Variants in GABRG2 observed in about 807,000 individuals in gnomAD.
GABRG2 encodes the protein gamma-aminobutyric acid type A receptor subunit gamma2.
In GABRG2, 16 loss-of-function variants were observed where a neutral mutation model predicts 56.4. The ratio of observed to expected loss-of-function variants is 0.28; its 90% CI spans 0.19 to 0.43. The LOEUF (loss-of-function observed/expected upper bound fraction) is 0.43. GABRG2 is among the 20% of genes least tolerant of loss of function. The probability of loss-of-function intolerance (pLI) is 1.00; values close to 1 mark genes in which losing one functional copy is unlikely to be tolerated. For missense variants in GABRG2, 327 were observed against 582.7 expected (o/e 0.56, Z 4.52); for synonymous variants, 208 against 205.5 (o/e 1.01, Z -0.10).
chr5:162,094,308 C>T (rs1760838904), intron 2 of GABRG2: 1 of 336,530 alleles, frequency 3.0e-6, no homozygotes, highest in Non-Finnish European at 5.6e-6. Flanking sequence ...AAGACAATAA[C>T]AGTAAAGAGA....
At chr5:162,100,422 C>T (rs559858077) in intron 4 of GABRG2, 5 of 152,086 alleles carry the variant, frequency 3.3e-5, no homozygotes, top group Admixed American at 2.6e-4. Context: ...AATCATCAAC[C>T]CATTACCATT....
chr5:162,109,420 A>ATATATATATATATATATATT (rs1424412323), intron 6 of GABRG2, among the ~76,000 whole-genome samples: 2 of 116,130 alleles, frequency 1.7e-5, no homozygotes, highest in African/African-American at 6.5e-5. Context: ...ATATATATAT[A>ATATATATATATATATATATT]TATTTATTTA....
intron 6 of GABRG2, among the ~76,000 whole-genome samples, chr5:162,106,811 A>C (rs1055774368): frequency 6.6e-6 from 1 of 151,254 alleles, no homozygotes; most frequent in Non-Finnish European, 1.5e-5. Flanking sequence ...AAATTGATTC[A>C]TGTGGGTTTT....
chr5:162,131,552 T>C (rs1763759644), intron 6 of GABRG2, among the ~76,000 whole-genome samples: 1 of 151,890 alleles, frequency 6.6e-6, no homozygotes, highest in Admixed American at 6.6e-5. Context: ...TTCTCAAACT[T>C]TGGTAGGAAT....
At chr5:162,069,376 C>T (rs1167791865) in intron 1 of GABRG2, among the ~76,000 whole-genome samples, 1 of 152,130 alleles carries the variant, frequency 6.6e-6, no homozygotes, top group African/African-American at 2.4e-5. Flanking sequence ...AATATCAAGA[C>T]AGTGCCCTAA....
Position 162,097,845 on chromosome 5 carries a change from C to A in GABRG2, c.535C>A (p.Leu179Ile). Reference sequence around the variant, plus strand: ...GAGAATTTGGAATGATGGTCGAGTGCTCTACACCCTAAGGTATTCTTTTGC... The same window carrying A: ...GAGAATTTGGAATGATGGTCGAGTGATCTACACCCTAAGGTATTCTTTTGC... ...MLRIWNDGRV[L>I]YTLRLTIDAE... The change falls in exon 4 of 10, where the codon CTC becomes ATC. Residue 179 changes from leucine (L) to isoleucine (I), a missense_variant. Physicochemically the swap from Leu to Ile is conservative, Grantham distance 5. Around this residue, in one of 4 missense-constraint regions of GABRG2, gnomAD observed 104 missense variants for 209.3 expected, o/e 0.50. Coordinates refer to ENST00000639213, the MANE Select transcript of GABRG2 (RefSeq NM_198904.4). 1 of 1,611,584 alleles carries A rather than the reference C, an allele frequency of 6.2e-7. No homozygotes were observed. The highest frequency in any genetic ancestry group is 8.5e-7 in the Non-Finnish European group (1 of 1,178,870).
At chr5:162,120,078 G>C (rs1483758919) in intron 6 of GABRG2, among the ~76,000 whole-genome samples, 3 of 151,988 alleles carry the variant, frequency 2.0e-5, no homozygotes, top group Non-Finnish European at 4.4e-5. Flanking sequence ...GAAATAACTG[G>C]GGTTTACTTG....
chr5:162,112,994 C>T (rs1411934810), intron 6 of GABRG2, among the ~76,000 whole-genome samples: 1 of 151,690 alleles, frequency 6.6e-6, no homozygotes, highest in Non-Finnish European at 1.5e-5. Context: ...GCTCTGTTAC[C>T]CAGGCCGGAG....
At chr5:162,110,814 TTAAAA>T (rs1239626336) in intron 6 of GABRG2, among the ~76,000 whole-genome samples, 1 of 152,170 alleles carries the variant, frequency 6.6e-6, no homozygotes, top group Non-Finnish European at 1.5e-5. Context: ...GCGTAATATC[TTAAAA>T]TAAACCAGTG....
At position 162,155,442 on chromosome 5, in the gene GABRG2, CCTGT is replaced by C. The variant is rs1476151223; in HGVS notation, c.*2077_*2080del. ...ATCTAATACTTATTATAAGCTGCTC[CCTGT>C]CTATGTATTTGGAAACCTTTTCACA... is the stretch of plus-strand genomic sequence containing the variant. On this transcript the variant is annotated 3_prime_UTR_variant, in exon 10 of 10. Transcript: ENST00000639213. 6.6e-6 allele frequency: 1 copy of C among 152,150 alleles called. No individual in the cohort carries two copies. The highest frequency in any genetic ancestry group is 1.5e-5 in the Non-Finnish European group (1 of 67,956). The allele number at this position is 152,150 out of a possible 1,614,324, so 9.4% of individuals were successfully genotyped here.
chr5:162,124,265 A>G (rs894471642), intron 6 of GABRG2, among the ~76,000 whole-genome samples: 2 of 151,958 alleles, frequency 1.3e-5, no homozygotes, highest in African/African-American at 4.8e-5. Context: ...CTTGCCTCCC[A>G]TGTTCTAAAA....
At chr5:162,117,291 T>C (rs986502645) in intron 6 of GABRG2, among the ~76,000 whole-genome samples, 1 of 152,204 alleles carries the variant, frequency 6.6e-6, no homozygotes, top group African/African-American at 2.4e-5. Context: ...AATTCAATTT[T>C]ACAGTTATTA....
intron 6 of GABRG2, among the ~76,000 whole-genome samples, chr5:162,106,544 C>T (rs927988429): frequency 6.6e-6 from 1 of 152,102 alleles, no homozygotes; most frequent in Non-Finnish European, 1.5e-5. Flanking sequence ...AGCTGTGTAA[C>T]TAATGAATGT....
intron 6 of GABRG2, among the ~76,000 whole-genome samples, chr5:162,137,577 C>A (rs1469454190): frequency 6.6e-6 from 1 of 151,828 alleles, no homozygotes; most frequent in East Asian, 1.9e-4. Context: ...TTTTTTTTCT[C>A]AATGACAAAT....
At chr5:162,115,306 C>T (rs1192075275) in intron 6 of GABRG2, among the ~76,000 whole-genome samples, 1 of 152,094 alleles carries the variant, frequency 6.6e-6, no homozygotes, top group Non-Finnish European at 1.5e-5. Flanking sequence ...GTCATATTTC[C>T]TGGTATTTAA....
upstream of GABRG2, chr5:162,067,756 C>CA (rs1758324096): frequency 1.6e-6 from 1 of 610,728 alleles, no homozygotes; most frequent in African/African-American, 1.9e-5. Context: ...ATTACTCCCC[C>CA]AGACTTGGAA....
chr5:162,097,554 A>G, intron 3 of GABRG2, 84 bp from the exon 4 acceptor site: 1 of 1,105,766 alleles, frequency 9.0e-7, no homozygotes, highest in East Asian at 2.5e-5. Context: ...ATATTGGCAA[A>G]GAAAACAGGA....
intron 4 of GABRG2, 52 bp from the exon 5 acceptor site, chr5:162,101,183 A>G (rs908244332): frequency 8.1e-7 from 1 of 1,232,042 alleles, no homozygotes; most frequent in East Asian, 2.3e-5. Context: ...GCAAATTTAC[A>G]ATTTAAAATT....
At chr5:162,086,726 C>G (rs1023527416) in intron 1 of GABRG2, among the ~76,000 whole-genome samples, 1 of 151,830 alleles carries the variant, frequency 6.6e-6, no homozygotes, top group Non-Finnish European at 1.5e-5. Context: ...GTCTAGACAT[C>G]TTTTGCTCAG....
Sources: gnomAD v4.1 joint callset for allele counts (sites outside exome capture counted in the v4.1 genomes callset) on GRCh38, gnomAD v4.1.1 for gene constraint, gnomAD v4.1.1 regional missense constraint, MANE v1.5 for transcripts, NCBI Gene and HGNC (gene_info 2026-07-23, HGNC 2026-07-21) for gene names.